Variants in CRNN observed in about 807,000 individuals in gnomAD.
CRNN encodes 53 kDa putative calcium-binding protein.
A neutral mutation model predicts 44.7 loss-of-function variants in CRNN; 39 were observed. That is an observed-to-expected ratio of 0.87 (90% CI 0.68 to 1.14). The LOEUF is 1.14. CRNN is among the 50% of genes most tolerant of loss of function. The probability of loss-of-function intolerance (pLI) is 0.00; values close to 1 mark genes in which losing one functional copy is unlikely to be tolerated. For missense variants in CRNN, 606 were observed against 605.1 expected (o/e 1.00, Z -0.02); for synonymous variants, 240 against 231.8 (o/e 1.04, Z -0.32).
intron 2 of CRNN, 141 bp from the exon 3 acceptor site, chr1:152,411,084 G>A (rs1282593426): frequency 1.4e-6 from 2 of 1,380,290 alleles, no homozygotes; most frequent in Non-Finnish European, 1.9e-6. Context: ...AGACTTAATT[G>A]CCTTTATTTT....
At position 152,409,938 on chromosome 1, in the gene CRNN, C is replaced by G. The variant is rs752888747; in HGVS notation, c.1144G>C (p.Gly382Arg). Residue 382 changes from glycine to arginine, a missense_variant, in exon 3 of 3, where the codon GGC (glycine) becomes CGC (arginine). Transcript: ENST00000271835. ...ACTTGCATCCATCTTTGACCACTGC[C>G]TGGCTGCGTCTGGGTCTGTCCCTGT... ...REQGQTQTQP[G>R]SGQRWMQVSN... The G allele has an allele frequency of 6.2e-7, 1 of 1,614,194 alleles. No homozygotes were observed. Among genetic ancestry groups the G allele is most frequent in the Non-Finnish European group, 8.5e-7 (1 of 1,180,040 alleles).
Position 152,410,725 on chromosome 1 carries a change from A to G in CRNN, c.357T>C (p.Ser119=). ...TCCCCGCCCTTCCCACTTCAGTGCCACTTCTCTGTCCTTCGCCCAGCTCCT... is the reference window on the plus strand; with the variant it reads ...TCCCCGCCCTTCCCACTTCAGTGCCGCTTCTCTGTCCTTCGCCCAGCTCCT... ...ASQELGEGQR[S]GTEVGRAGKG... Residue 119 remains serine, a synonymous_variant, in exon 3 of 3, where the codon AGT becomes AGC. Transcript: ENST00000271835. 6.2e-7 allele frequency: 1 copy of G among 1,613,666 alleles called. No homozygotes were observed. Among genetic ancestry groups the G allele is most frequent in the South Asian group, 1.1e-5 (1 of 91,060 alleles).
In CRNN at chr1:152,409,746, G is replaced by A. The variant is rs1655692405; in HGVS notation, c.1336C>T (p.His446Tyr). 1 of 1,614,048 alleles carries A rather than the reference G, an allele frequency of 6.2e-7. No homozygotes were observed. The highest frequency in any genetic ancestry group is 1.7e-5 in the Admixed American group (1 of 59,990). The change falls in exon 3 of 3, where the codon CAC becomes TAC. Residue 446 changes from histidine to tyrosine, a missense_variant. Coordinates refer to ENST00000271835, the MANE Select transcript of CRNN (RefSeq NM_016190.3). ...CTGAGGATCACTGTCTCCCTTGAGT[G>A]GTCATCAACCCATTCCTCACCAACC... ...TVVGEEWVDD[H>Y]SRETVILRLD...
In CRNN at chr1:152,409,377, C is replaced by G; in HGVS notation, c.*217G>C. 1.3e-6 allele frequency: 1 copy of G among 791,710 alleles called. No homozygotes were observed. The highest frequency in any genetic ancestry group is 2.1e-5 in the South Asian group (1 of 48,554). 49.0% of individuals were successfully genotyped at this position (791,710 alleles called of 1,614,324 possible). On this transcript the variant is annotated 3_prime_UTR_variant, in exon 3 of 3. Coordinates refer to ENST00000271835, the MANE Select transcript of CRNN (RefSeq NM_016190.3). ...AAGGGGTGACTTGCTCTGAGTCTTC[C>G]TGCTCCTGAGAGGGTCTGCACCGCA...
In CRNN at chr1:152,409,704, A is replaced by G; in HGVS notation, c.1378T>C (p.Leu460=). The stretch of plus-strand genomic sequence containing the variant: ...TGTGCTGAGGAAACACTGGTATGCA[A>G]GTTGCCCTGGTCCAGCCTGAGGATC... ...TVILRLDQGN[L]HTSVSSAQGQ... Residue 460 remains leucine (L), a synonymous_variant, in exon 3 of 3, where the codon TTG becomes CTG. Coordinates refer to ENST00000271835, the MANE Select transcript of CRNN (RefSeq NM_016190.3). 1 of 1,614,198 alleles carries G rather than the reference A, an allele frequency of 6.2e-7. No homozygotes were observed. The highest frequency in any genetic ancestry group is 8.5e-7 in the Non-Finnish European group (1 of 1,180,012).
chr1:152,411,750 T>G (rs1655773495), intron 2 of CRNN, among the ~76,000 whole-genome samples: 1 of 152,200 alleles, frequency 6.6e-6, no homozygotes, highest in Non-Finnish European at 1.5e-5. Flanking sequence ...GTGGGAAATA[T>G]TTACTGTATC....
chr1:152,409,853 G>C lies in CRNN; in HGVS notation c.1229C>G (p.Thr410Ser), dbSNP rs777854911. The change falls in exon 3 of 3, where the codon ACT (threonine) becomes AGT (serine). Residue 410 changes from threonine (T) to serine (S), a missense_variant. By Grantham distance (58) the Thr-to-Ser change is moderately conservative. Transcript: ENST00000271835. ...PGGQAQTGAS[T>S]ESGRQEWSST... ...GCTCCACTCCTGCCTTCCTGACTCA[G>C]TGCTTGCCCCAGTCTGGGCCTGTCC... is the stretch of plus-strand genomic sequence containing the variant. The C allele has an allele frequency of 1.7e-5, 27 of 1,614,190 alleles. No individual in the cohort carries two copies. The highest frequency in any genetic ancestry group is 2.3e-5 in the Non-Finnish European group (27 of 1,180,038).
rs1366787347 is a variant in CRNN, at chr1:152,409,831, C to T, written c.1251G>A (p.Trp417Ter). The T allele has an allele frequency of 3.1e-6, 5 of 1,614,088 alleles. No individual in the cohort carries two copies. In the African/African-American group the frequency reaches 6.7e-5, roughly 22 times the overall value. The part of the protein sequence containing the change: ...GASTESGRQE[W>*]SSTHPRRCVT... Reference sequence around the variant, plus strand: ...CACAGCGCCTTGGGTGAGTGCTGCTCCACTCCTGCCTTCCTGACTCAGTGC... The same window carrying T: ...CACAGCGCCTTGGGTGAGTGCTGCTTCACTCCTGCCTTCCTGACTCAGTGC... Residue 417 changes from tryptophan to a stop codon, truncating the protein, a stop_gained, in exon 3 of 3, where the codon TGG becomes TGA. Transcript: ENST00000271835. LOFTEE classifies it high-confidence loss of function.
In CRNN at chr1:152,409,528, C is replaced by T; in HGVS notation, c.*66G>A. The T allele has an allele frequency of 1.3e-6, 2 of 1,544,460 alleles. No individual in the cohort carries two copies. The highest frequency in any genetic ancestry group is 1.7e-6 in the Non-Finnish European group (2 of 1,145,996). On this transcript the variant is annotated 3_prime_UTR_variant, in exon 3 of 3. Coordinates refer to ENST00000271835, the MANE Select transcript of CRNN (RefSeq NM_016190.3). ...CCAGGGATGCACCCACTGGATTGGC[C>T]ATGCAGGACAAGCCAAACTCTCTCC...
At chr1:152,411,086 C>G (rs1400636021) in intron 2 of CRNN, 143 bp from the exon 3 acceptor site, 2 of 1,379,110 alleles carry the variant, frequency 1.5e-6, no homozygotes, top group Non-Finnish European at 1.9e-6. Context: ...ACTTAATTGC[C>G]TTTATTTTTT....
At chr1:152,410,984 G>A (rs1341310529) in intron 2 of CRNN, 41 bp from the exon 3 acceptor site, 2 of 1,557,394 alleles carry the variant, frequency 1.3e-6, no homozygotes, top group African/African-American at 2.7e-5. Flanking sequence ...CCTCCCCTGA[G>A]GAGGACATGG....
chr1:152,409,671 C>T lies in CRNN; in HGVS notation c.1411G>A (p.Asp471Asn). Reference sequence around the variant, plus strand: ...CGCTTCTCTTCTGACTGGGCTGCATCCTGGCCCTGTGCTGAGGAAACACTG... The same window carrying T: ...CGCTTCTCTTCTGACTGGGCTGCATTCTGGCCCTGTGCTGAGGAAACACTG... Reference protein sequence around the residue: ...HTSVSSAQGQDAAQSEEKRGI... With the variant: ...HTSVSSAQGQNAAQSEEKRGI... Residue 471 changes from aspartate to asparagine, a missense_variant, in exon 3 of 3, where the codon GAT (aspartate) becomes AAT (asparagine). Asp to Asn is a conservative substitution (Grantham distance 23, BLOSUM62 1). Coordinates refer to ENST00000271835, the MANE Select transcript of CRNN (RefSeq NM_016190.3). 1 of 1,614,176 alleles carries T rather than the reference C, an allele frequency of 6.2e-7. No homozygotes were observed. The highest frequency in any genetic ancestry group is 8.5e-7 in the Non-Finnish European group (1 of 1,180,024).
In CRNN at chr1:152,410,711, C is replaced by A; in HGVS notation, c.371G>T (p.Gly124Val). ...GEGQRSGTEV[G>V]RAGKGQHYEG... ...ATAATGCTGCCCTTTCCCCGCCCTT[C>A]CCACTTCAGTGCCACTTCTCTGTCC... The change falls in exon 3 of 3, where the codon GGA (glycine) becomes GTA (valine). Residue 124 changes from glycine to valine, a missense_variant. Gly to Val is a moderately radical substitution (Grantham distance 109). Coordinates refer to ENST00000271835, the MANE Select transcript of CRNN (RefSeq NM_016190.3). 1 of 1,614,092 alleles carries A rather than the reference C, an allele frequency of 6.2e-7. No homozygotes were observed. The highest frequency in any genetic ancestry group is 1.1e-5 in the South Asian group (1 of 91,072).
intron 2 of CRNN, 151 bp from the exon 3 acceptor site, chr1:152,411,094 T>G: frequency 1.5e-6 from 2 of 1,370,938 alleles, no homozygotes; most frequent in Non-Finnish European, 9.4e-7. Flanking sequence ...GCCTTTATTT[T>G]TTTTTAGTCC....
Position 152,409,533 on chromosome 1 carries a change from A to G in CRNN, c.*61T>C. On this transcript the variant is annotated 3_prime_UTR_variant, in exon 3 of 3. Transcript: ENST00000271835. ...GATGCACCCACTGGATTGGCCATGC[A>G]GGACAAGCCAAACTCTCTCCAGCTG... 1.3e-6 allele frequency: 2 copies of G among 1,554,230 alleles called. 1 individual carries two copies. Among genetic ancestry groups the G allele is most frequent in the Non-Finnish European group, 1.7e-6 (2 of 1,149,680 alleles).
At chr1:152,412,985 C>A (rs1655814892) in intron 1 of CRNN, among the ~76,000 whole-genome samples, 1 of 152,140 alleles carries the variant, frequency 6.6e-6, no homozygotes, top group African/African-American at 2.4e-5. Flanking sequence ...TCCAGGGACA[C>A]AGCCCTCCCT....
At position 152,410,469 on chromosome 1, in the gene CRNN, C is replaced by CT. The variant is rs1557915097; in HGVS notation, c.612dup (p.Glu205ArgfsTer21). 6.2e-7 allele frequency: 1 copy of CT among 1,614,208 alleles called. No homozygotes were observed. Among genetic ancestry groups the CT allele is most frequent in the South Asian group, 1.1e-5 (1 of 91,080 alleles). On this transcript the variant is annotated frameshift_variant, in exon 3 of 3. Coordinates refer to ENST00000271835, the MANE Select transcript of CRNN (RefSeq NM_016190.3). LOFTEE classifies it high-confidence loss of function. ...TGTGGCTGTCTCTCTGGCCTCATCT[C>CT]TGTTGTCTGATTCCTCTTGCCTTCT...
In CRNN at chr1:152,410,771, C is replaced by T; in HGVS notation, c.311G>A (p.Ser104Asn). 6.2e-7 allele frequency: 1 copy of T among 1,614,240 alleles called. No individual in the cohort carries two copies. Among genetic ancestry groups the T allele is most frequent in the Non-Finnish European group, 8.5e-7 (1 of 1,180,034 alleles). The change falls in exon 3 of 3, where the codon AGC becomes AAC. Residue 104 changes from serine (S) to asparagine (N), a missense_variant. Physicochemically the swap from Ser to Asn is conservative, Grantham distance 46. Transcript: ENST00000271835. The part of the protein sequence containing the change: ...EGACGSQESG[S>N]LHSGASQELG... ...CTCCTGCGAGGCCCCAGAGTGGAGG[C>T]TTCCAGACTCTTGAGAGCCGCAGGC...
At chr1:152,411,928 C>T (rs1655781926) in intron 2 of CRNN, among the ~76,000 whole-genome samples, 168 bp downstream of exon 2, 1 of 152,162 alleles carries the variant, frequency 6.6e-6, no homozygotes, top group South Asian at 2.1e-4. Context: ...ACTCCCATGA[C>T]CATCTCTGGT....
Sources: gnomAD v4.1 joint callset for allele counts (sites outside exome capture counted in the v4.1 genomes callset) on GRCh38, gnomAD v4.1.1 for gene constraint, MANE v1.5 for transcripts, NCBI Gene and HGNC (gene_info 2026-07-23, HGNC 2026-07-21) for gene names.